The following GREB1L variants were observed in gnomAD, a reference collection of about 807,000 sequenced individuals.
GREB1L encodes the protein GREB1 like retinoic acid receptor coactivator, also known as GREB1-like protein.
In GREB1L, 17 loss-of-function variants were observed where a neutral mutation model predicts 200.8. The observed-to-expected ratio is 0.08, with a 90% CI of 0.06 to 0.13. The LOEUF (loss-of-function observed/expected upper bound fraction) is 0.13, where lower values mean the gene tolerates loss of function less well. Among genes scored for constraint, GREB1L ranks in the 10% least tolerant of loss-of-function variants. The pLI is 1.00. For synonymous variants in GREB1L, 789 were observed against 893.0 expected, an observed-to-expected ratio of 0.88 and a Z score of 2.08; for missense variants, 1,657 against 2,367.7, an observed-to-expected ratio of 0.70 and a Z score of 6.23.
chr18:21,435,790 G>A (rs2033496471), intron 7 of GREB1L, among the ~76,000 whole-genome samples: 1 of 152,152 alleles, frequency 6.6e-6, no homozygotes, highest in Non-Finnish European at 1.5e-5. Context: ...TAAGAAATGT[G>A]GATTTCACTC....
intron 15 of GREB1L, among the ~76,000 whole-genome samples, chr18:21,460,427 C>T (rs977802060): frequency 4.6e-5 from 7 of 152,122 alleles, no homozygotes; most frequent in African/African-American, 1.7e-4. Flanking sequence ...CTCACTGCAA[C>T]CTCCGCCTCC....
chr18:21,298,411 A>G (rs1295995764), intron 1 of GREB1L, among the ~76,000 whole-genome samples: 1 of 152,144 alleles, frequency 6.6e-6, no homozygotes, highest in South Asian at 2.1e-4. Flanking sequence ...CTTAGAGTTT[A>G]TTTCATTTTT....
At chr18:21,395,342 A>C (rs1369055926) in intron 4 of GREB1L, 43 bp from the exon 5 acceptor site, 1 of 1,409,860 alleles carries the variant, frequency 7.1e-7, no homozygotes, top group African/African-American at 1.4e-5. Flanking sequence ...ATATAATCTC[A>C]CTAAACATTT....
chr18:21,483,577 T>TG (rs1267025775), intron 17 of GREB1L, among the ~76,000 whole-genome samples: 4 of 151,908 alleles, frequency 2.6e-5, no homozygotes, highest in Admixed American at 6.6e-5. Flanking sequence ...AGCAGGGTTT[T>TG]GGGGGGGACC....
At chr18:21,494,902 GT>G (rs1179636859) in intron 19 of GREB1L, among the ~76,000 whole-genome samples, 4 of 152,100 alleles carry the variant, frequency 2.6e-5, no homozygotes, top group Admixed American at 2.6e-4. Context: ...ATATGTTTAT[GT>G]TTTCAAGATT....
chr18:21,469,540 C>G (rs1368733323), intron 15 of GREB1L, among the ~76,000 whole-genome samples: 2 of 152,202 alleles, frequency 1.3e-5, no homozygotes, highest in Middle Eastern at 3.4e-3. Flanking sequence ...AACCTGATTC[C>G]TTGTATTGAA....
intron 19 of GREB1L, among the ~76,000 whole-genome samples, chr18:21,492,005 T>C (rs968699703): frequency 1.8e-4 from 27 of 152,042 alleles, no homozygotes; most frequent in Non-Finnish European, 2.8e-4. Flanking sequence ...GTATAATTCA[T>C]GGAGACATGA....
intron 7 of GREB1L, among the ~76,000 whole-genome samples, chr18:21,424,083 C>T (rs1235939720): frequency 6.6e-6 from 1 of 152,132 alleles, no homozygotes; most frequent in East Asian, 1.9e-4. Context: ...TCATGCAGAA[C>T]TGTCCACTAG....
At chr18:21,324,572 G>A (rs1254266309) in intron 1 of GREB1L, among the ~76,000 whole-genome samples, 1 of 152,186 alleles carries the variant, frequency 6.6e-6, no homozygotes, top group Non-Finnish European at 1.5e-5. Flanking sequence ...AGCACTTTGG[G>A]AGGCTGAGGC....
Position 21,268,862 on chromosome 18 carries a change from G to A in GREB1L, c.-120+26469G>A, listed in dbSNP as rs185030581. On this transcript the variant is annotated intron_variant, in intron 1 of 32. Transcript: ENST00000424526. ...ATCTGCCAAAGTGCTGGGATTACAG[G>A]TGTGAGCCACTGTGCCCGGCCCTGG... Among the ~76,000 whole-genome samples the A allele has an allele frequency of 3.3e-5, 5 of 151,878 alleles. No individual in the cohort carries two copies. In the East Asian group the frequency reaches 9.7e-4, roughly 30 times the overall value.
intron 1 of GREB1L, among the ~76,000 whole-genome samples, chr18:21,344,334 G>A (rs2143075499): frequency 6.6e-6 from 1 of 152,244 alleles, no homozygotes; most frequent in South Asian, 2.1e-4. Flanking sequence ...TCGGGAGGTG[G>A]AGGTTGCAGT....
Position 21,333,657 on chromosome 18 carries a change from A to T in GREB1L, c.-119-32370A>T, listed in dbSNP as rs1316691674. On this transcript the variant is annotated intron_variant, in intron 1 of 32. Transcript: ENST00000424526. Reference sequence around the variant, plus strand: ...GCCATTGTACTCCAACCTGGGGGACAAGAGTAAAACTCTGTCTCAAAAAAA... The same window carrying T: ...GCCATTGTACTCCAACCTGGGGGACTAGAGTAAAACTCTGTCTCAAAAAAA... 3.3e-5 allele frequency among the ~76,000 whole-genome samples: 5 copies of T among 150,246 alleles called. No individual in the cohort carries two copies. In the East Asian group the frequency reaches 9.7e-4, roughly 29 times the overall value.
chr18:21,283,339 A>G (rs1371837131), intron 1 of GREB1L, among the ~76,000 whole-genome samples: 1 of 152,192 alleles, frequency 6.6e-6, no homozygotes, highest in African/African-American at 2.4e-5. Context: ...AAAAAATCCT[A>G]GATATTATTT....
rs1182435159 is a variant in GREB1L, at chr18:21,496,509, G to A, written c.3202G>A (p.Ala1068Thr). Residue 1068 changes from alanine to threonine, a missense_variant, in exon 21 of 33, where the codon GCC becomes ACC. By Grantham distance (58) the Ala-to-Thr change is moderately conservative. Transcript: ENST00000424526. ...TGACTCAAGCTATTTAACTCGCACG[G>A]CCTTGGAGCAGGAGGTGGGTCTGGC... is the stretch of plus-strand genomic sequence containing the variant. ...LIDSSYLTRT[A>T]LEQEVGLACC... is the part of the protein sequence containing the mutation. 5.2e-6 allele frequency: 8 copies of A among 1,551,710 alleles called. No homozygotes were observed. The highest frequency in any genetic ancestry group is 7.0e-6 in the Non-Finnish European group (8 of 1,146,988).
chr18:21,454,424 C>G lies in GREB1L; in HGVS notation c.2043C>G (p.Leu681=). Residue 681 remains leucine, a synonymous_variant, in exon 15 of 33, where the codon CTC becomes CTG. Coordinates refer to ENST00000424526, the MANE Select transcript of GREB1L (RefSeq NM_001142966.3). ...CGCAGCTAACAGTTGCCAGAAAACT[C>G]TTATCCCAGGTGTGTGCTATAGCGG... The part of the protein sequence containing the change: ...YQPQLTVARK[L]LSQVCAIADS... 6.4e-7 allele frequency: 1 copy of G among 1,551,872 alleles called. No homozygotes were observed. Among genetic ancestry groups the G allele is most frequent in the Non-Finnish European group, 8.7e-7 (1 of 1,146,990 alleles).
chr18:21,306,942 C>T (rs1420678156), intron 1 of GREB1L, among the ~76,000 whole-genome samples: 1 of 152,126 alleles, frequency 6.6e-6, no homozygotes, highest in Non-Finnish European at 1.5e-5. Flanking sequence ...TATGTTTTAT[C>T]TTTTTTATTT....
chr18:21,480,530 A>G (rs1413493393), intron 17 of GREB1L, among the ~76,000 whole-genome samples: 1 of 152,152 alleles, frequency 6.6e-6, no homozygotes, highest in African/African-American at 2.4e-5. Flanking sequence ...GGATAAAGGG[A>G]AAAAAAGCAT....
intron 7 of GREB1L, among the ~76,000 whole-genome samples, chr18:21,418,128 G>T (rs2031820725): frequency 6.6e-6 from 1 of 151,990 alleles, no homozygotes; most frequent in African/African-American, 2.4e-5. Flanking sequence ...ACATTTAAAA[G>T]TAAATTGTAT....
chr18:21,382,991 G>A (rs978220663), intron 2 of GREB1L, among the ~76,000 whole-genome samples: 1 of 152,118 alleles, frequency 6.6e-6, no homozygotes, highest in African/African-American at 2.4e-5. Context: ...AGTTGAAAAC[G>A]CTCGTCTTGC....
Sources: gnomAD v4.1 joint callset for allele counts (sites outside exome capture counted in the v4.1 genomes callset) on GRCh38, gnomAD v4.1.1 for gene constraint, MANE v1.5 for transcripts, NCBI Gene and HGNC (gene_info 2026-07-23, HGNC 2026-07-21) for gene names.